The following CPM variants were observed in gnomAD, a reference collection of about 807,000 sequenced individuals.
CPM encodes carboxypeptidase M.
CPM carries 35 observed loss-of-function variants against 46.4 expected under a neutral mutation model. That is an observed-to-expected ratio of 0.75 (90% CI 0.58 to 1.00). The LOEUF (loss-of-function observed/expected upper bound fraction) is 1.00, where lower values mean the gene tolerates loss of function less well. CPM is among the 50% of genes least tolerant of loss of function. CPM has a pLI of 0.00. For synonymous variants in CPM, 195 were observed against 195.3 expected, an observed-to-expected ratio of 1.00 and a Z score of 0.01; for missense variants, 422 against 530.4, an observed-to-expected ratio of 0.80 and a Z score of 2.01.
At chr12:68,896,089 C>T (rs112832965) in intron 2 of CPM, among the ~76,000 whole-genome samples, 59 of 152,310 alleles carry the variant, frequency 3.9e-4, no homozygotes, top group African/African-American at 1.3e-3. Context: ...CAGGCCCTAG[C>T]CATTCTTCTT....
chr12:68,869,537 G>T, intron 5 of CPM, 42 bp from the exon 6 acceptor site: 1 of 1,546,672 alleles, frequency 6.5e-7, no homozygotes, highest in South Asian at 1.2e-5. Context: ...ACTGACTTGA[G>T]AGTAAGAGGA....
Position 68,869,360 on chromosome 12 carries a change from C to G in CPM, c.752G>C (p.Gly251Ala). ...ATACCAAGAGTATCCATTTGTAACA[C>G]CATTAGGAAAGTTCATTTTGTTTTT... ...ECKNKMNFPN[G>A]VTNGYSWYPL... The change falls in exon 6 of 9, where the codon GGT becomes GCT. Residue 251 changes from glycine (G) to alanine (A), a missense_variant. Physicochemically the swap from Gly to Ala is moderately conservative, Grantham distance 60. Coordinates refer to ENST00000551568, the MANE Select transcript of CPM (RefSeq NM_198320.5). 3 of 1,613,824 alleles carry G rather than the reference C, an allele frequency of 1.9e-6. No homozygotes were observed. The highest frequency in any genetic ancestry group is 1.1e-5 in the South Asian group (1 of 91,030).
chr12:68,876,867 G>GGT (rs141965346), intron 3 of CPM, among the ~76,000 whole-genome samples: 21 of 150,252 alleles, frequency 1.4e-4, no homozygotes, highest in East Asian at 5.9e-4. Context: ...AGTGTTGTGT[G>GGT]GTGTGTGTGT....
At chr12:68,844,708 G>A (rs1173448848) in intron 5 of CPM, 5 of 219,670 alleles carry the variant, frequency 2.3e-5, no homozygotes, top group Non-Finnish European at 3.6e-5. Context: ...GCCAGACGGG[G>A]ACTAGCTTTT....
chr12:68,959,681 G>A (rs1889080340), intron 1 of CPM, among the ~76,000 whole-genome samples: 1 of 152,260 alleles, frequency 6.6e-6, no homozygotes, highest in Non-Finnish European at 1.5e-5. Context: ...GAGAGAGGGT[G>A]AAGAGAGGGT....
intron 2 of CPM, among the ~76,000 whole-genome samples, chr12:68,918,423 G>A (rs1242811848): frequency 6.6e-6 from 1 of 152,140 alleles, no homozygotes; most frequent in Non-Finnish European, 1.5e-5. Context: ...GATACCTCCT[G>A]AGGAGTTCAC....
At chr12:68,895,823 A>T (rs1037695412) in intron 2 of CPM, among the ~76,000 whole-genome samples, 1 of 152,230 alleles carries the variant, frequency 6.6e-6, no homozygotes, top group African/African-American at 2.4e-5. Context: ...GTGTGCCATG[A>T]ATACACTCAT....
intron 2 of CPM, 90 bp downstream of exon 2, chr12:68,932,588 G>A: frequency 6.8e-7 from 1 of 1,476,938 alleles, no homozygotes; most frequent in Non-Finnish European, 9.3e-7. Flanking sequence ...GTAGGTGCGT[G>A]GAAGAGCAGA....
At chr12:68,952,048 G>A (rs564156540) in intron 1 of CPM, among the ~76,000 whole-genome samples, 1 of 152,258 alleles carries the variant, frequency 6.6e-6, no homozygotes, top group African/African-American at 2.4e-5. Context: ...ATGCCATGTT[G>A]TGCTATGGCA....
intron 1 of CPM, among the ~76,000 whole-genome samples, chr12:68,951,768 A>G (rs1888938982): frequency 1.3e-5 from 2 of 152,206 alleles, no homozygotes; most frequent in Admixed American, 6.5e-5. Context: ...CGGGGGCCTC[A>G]TGGAATAACC....
At chr12:68,882,657 A>G (rs1196885984) in intron 3 of CPM, among the ~76,000 whole-genome samples, 1 of 152,248 alleles carries the variant, frequency 6.6e-6, no homozygotes, top group African/African-American at 2.4e-5. Context: ...ACAGTGGATG[A>G]ACTAATTTAC....
intron 2 of CPM, among the ~76,000 whole-genome samples, chr12:68,895,028 C>CAAAAAA (rs35142646): frequency 1.4e-4 from 11 of 78,236 alleles, no homozygotes; most frequent in African/African-American, 5.1e-4. Context: ...GACTCAGTCT[C>CAAAAAA]AAAAAAAAAA....
chr12:68,874,805 T>A (rs997157338), intron 3 of CPM, among the ~76,000 whole-genome samples: 2 of 152,088 alleles, frequency 1.3e-5, no homozygotes, highest in African/African-American at 4.8e-5. Context: ...GAGTCCCAAG[T>A]CAAGAACAGA....
At chr12:68,845,546 TAG>T (rs973629676) in intron 5 of CPM, 7 of 187,570 alleles carry the variant, frequency 3.7e-5, no homozygotes, top group Non-Finnish European at 7.9e-5. Context: ...TGATTGTCTT[TAG>T]AGAGAGGAGT....
intron 2 of CPM, among the ~76,000 whole-genome samples, chr12:68,921,152 T>TTTG (rs1277294324): frequency 6.6e-6 from 1 of 151,350 alleles, no homozygotes. Context: ...TTTTTTTTTT[T>TTTG]GAGACAGAGT....
At chr12:68,936,635 C>A (rs1214390468), upstream of CPM, among the ~76,000 whole-genome samples, 1 of 152,326 alleles carries the variant, frequency 6.6e-6, no homozygotes, top group Admixed American at 6.5e-5. Flanking sequence ...CTGCCTGCCT[C>A]AGCCTCCCAG....
chr12:68,863,074 T>G (rs1035896918), intron 7 of CPM, among the ~76,000 whole-genome samples: 2 of 152,198 alleles, frequency 1.3e-5, no homozygotes, highest in African/African-American at 4.8e-5. Flanking sequence ...GAGTCGGAGC[T>G]GGGACAGTAC....
intron 3 of CPM, among the ~76,000 whole-genome samples, chr12:68,879,259 G>T (rs1173489034): frequency 2.0e-5 from 3 of 152,224 alleles, no homozygotes; most frequent in Non-Finnish European, 4.4e-5. Context: ...CTACAGTACA[G>T]TATTTAAGAC....
chr12:68,900,741 T>G (rs1235547226), intron 2 of CPM, among the ~76,000 whole-genome samples: 1 of 152,148 alleles, frequency 6.6e-6, no homozygotes, highest in Non-Finnish European at 1.5e-5. Context: ...GGAGGAAACT[T>G]AAATGCATAT....
Sources: gnomAD v4.1 joint callset for allele counts (sites outside exome capture counted in the v4.1 genomes callset) on GRCh38, gnomAD v4.1.1 for gene constraint, MANE v1.5 for transcripts, NCBI Gene and HGNC (gene_info 2026-07-23, HGNC 2026-07-21) for gene names.